The following GLUL variants were observed in gnomAD, a reference collection of about 807,000 sequenced individuals.
GLUL encodes the protein glutamine synthetase.
GLUL carries 8 observed loss-of-function variants against 36.9 expected under a neutral mutation model. The ratio of observed to expected loss-of-function variants is 0.22; its 90% confidence interval spans 0.13 to 0.39. GLUL has a LOEUF of 0.39. Ranked by LOEUF, GLUL falls within the 10% of genes least tolerant of loss-of-function variation. GLUL has a pLI of 1.00. For synonymous variants in GLUL, 182 were observed against 172.8 expected, an observed-to-expected ratio of 1.05 and a Z score of -0.42; for missense variants, 315 against 501.8, an observed-to-expected ratio of 0.63 and a Z score of 3.56.
intron 3 of GLUL, chr1:182,386,916 A>G (rs188126943): frequency 5.2e-4 from 319 of 613,222 alleles, no homozygotes; most frequent in Non-Finnish European, 7.8e-4. Flanking sequence ...GACAAATCCA[A>G]TGCTATTTTA....
At position 182,379,500 on chromosome 1, in the gene GLUL, G is replaced by A. The variant is rs1649849727; in HGVS notation, c.*4905C>T. 6.6e-6 allele frequency among the ~76,000 whole-genome samples: 1 copy of A among 152,184 alleles called. No individual in the cohort carries two copies. Among genetic ancestry groups the A allele is most frequent in the East Asian group, 1.9e-4 (1 of 5,162 alleles). ...GGCCTCCCAAAGTGCTAGGATTACA[G>A]GCTTGAGCCACCACACCCAGCCTAA... On this transcript the variant is annotated 3_prime_UTR_variant, in exon 7 of 7. Coordinates refer to ENST00000331872, the MANE Select transcript of GLUL (RefSeq NM_001033044.4).
intron 6 of GLUL, 103 bp downstream of exon 6, chr1:182,385,254 T>TG (rs1650122341): frequency 1.1e-6 from 1 of 896,766 alleles, no homozygotes; most frequent in East Asian, 2.5e-5. Flanking sequence ...GGCAAATATT[T>TG]GCAAGTCATC....
chr1:182,378,838 T>G lies in GLUL; in HGVS notation c.*5567A>C, dbSNP rs574868075. 6.6e-6 allele frequency among the ~76,000 whole-genome samples: 1 copy of G among 151,636 alleles called. No individual in the cohort carries two copies. The highest frequency in any genetic ancestry group is 2.0e-4 in the East Asian group (1 of 5,106). ...TGTTGCCTAGGCTGGAGTGCAATGG[T>G]GCAAGCTTGGCTCACTGCAACCTCC... On this transcript the variant is annotated 3_prime_UTR_variant, in exon 7 of 7. Transcript: ENST00000331872.
intron 2 of GLUL, 135 bp from the exon 3 acceptor site, chr1:182,387,427 A>T (rs1650231494): frequency 1.5e-5 from 11 of 742,198 alleles, no homozygotes; most frequent in Non-Finnish European, 2.2e-5. Flanking sequence ...TATAAATGCC[A>T]TCATTAATAT....
intron 6 of GLUL, chr1:182,385,132 A>T (rs1418962260): frequency 6.1e-6 from 3 of 489,276 alleles, no homozygotes; most frequent in African/African-American, 1.9e-5. Context: ...TATCACTGTG[A>T]ATCAGAAGTA....
At chr1:182,386,725 C>T in intron 3 of GLUL, 1 of 471,630 alleles carries the variant, frequency 2.1e-6, no homozygotes, top group Non-Finnish European at 3.9e-6. Flanking sequence ...ATGCCAGGCA[C>T]TTAACCCTCT....
rs755278085 is a variant in GLUL, at chr1:182,386,219, C to T, written c.475+37G>A. 3.4e-5 allele frequency: 54 copies of T among 1,597,878 alleles called. No individual in the cohort carries two copies. The East Asian group carries it at 1.2e-3, about 34-fold the overall frequency. On this transcript the variant is annotated intron_variant, in intron 4 of 6. Transcript: ENST00000331872. ...AGGGGCATTCCTGCACAGTTAGACA[C>T]TTCTGGGAATTTCACCTCTAACCCA...
In GLUL at chr1:182,382,253, C is replaced by T. The variant is rs1649959271; in HGVS notation, c.*2152G>A. 1 of 152,230 alleles carries T rather than the reference C, an allele frequency of 6.6e-6. No individual in the cohort carries two copies. The highest frequency in any genetic ancestry group is 1.5e-5 in the Non-Finnish European group (1 of 68,070). 9.4% of individuals were successfully genotyped at this position (152,230 alleles called of 1,614,324 possible). ...GAGCCGGAGGGAGCTTTTACCCAAC[C>T]TCATGAGGAATGAACGAAGGTAGGA... On this transcript the variant is annotated 3_prime_UTR_variant, in exon 7 of 7. Transcript: ENST00000331872.
At chr1:182,386,519 T>TC (rs1408633700) in intron 3 of GLUL, 117 bp from the exon 4 acceptor site, 1 of 848,732 alleles carries the variant, frequency 1.2e-6, no homozygotes, top group Non-Finnish European at 2.1e-6. Flanking sequence ...CACTATGGTA[T>TC]GAACTGACCC....
rs1182639956 is a variant in GLUL, at chr1:182,381,803, G to A, written c.*2602C>T. On this transcript the variant is annotated 3_prime_UTR_variant, in exon 7 of 7. Coordinates refer to ENST00000331872, the MANE Select transcript of GLUL (RefSeq NM_001033044.4). ...CAAAGGGAAGACAACTTCAGTTGGG[G>A]GGGTGGAAGCACAGATTCAATGGAA... 1 of 152,314 alleles carries A rather than the reference G, an allele frequency of 6.6e-6. No individual in the cohort carries two copies. The highest frequency in any genetic ancestry group is 1.9e-4 in the East Asian group (1 of 5,182). The allele number at this position is 152,314 out of a possible 1,614,324, so 9.4% of individuals were successfully genotyped here. A position where few individuals can be genotyped will look rare whatever the true frequency, so the allele number is the denominator to read the frequency against.
At position 182,380,209 on chromosome 1, in the gene GLUL, G is replaced by A. The variant is rs759750871; in HGVS notation, c.*4196C>T. On this transcript the variant is annotated 3_prime_UTR_variant, in exon 7 of 7. Transcript: ENST00000331872. The stretch of plus-strand genomic sequence containing the variant: ...CCTGATTACAATGAGAATTAATTAA[G>A]TACACTATTTTCCACAGTACACTCC... Among the ~76,000 whole-genome samples the A allele has an allele frequency of 6.4e-4, 97 of 152,170 alleles. No individual in the cohort carries two copies. Among genetic ancestry groups the A allele is most frequent in the Non-Finnish European group, 1.3e-3 (91 of 68,034 alleles).
chr1:182,381,539 G>A lies in GLUL; in HGVS notation c.*2866C>T, dbSNP rs1229363452. Among the ~76,000 whole-genome samples the A allele has an allele frequency of 6.6e-6, 1 of 152,070 alleles. No individual in the cohort carries two copies. Among genetic ancestry groups the A allele is most frequent in the Non-Finnish European group, 1.5e-5 (1 of 68,030 alleles). Reference sequence around the variant, plus strand: ...ATAAAAAACACCTTAGAAATACAAGGGGATTGCACTGTGACCTGTAGGTCA... The same window carrying A: ...ATAAAAAACACCTTAGAAATACAAGAGGATTGCACTGTGACCTGTAGGTCA... On this transcript the variant is annotated 3_prime_UTR_variant, in exon 7 of 7. Transcript: ENST00000331872.
intron 6 of GLUL, 169 bp downstream of exon 6, chr1:182,385,188 G>C (rs1034799469): frequency 3.1e-6 from 2 of 637,662 alleles, no homozygotes; most frequent in African/African-American, 3.6e-5. Flanking sequence ...GAATGTGAAG[G>C]CAAGTGTCAA....
At chr1:182,386,821 T>G (rs1174649962) in intron 3 of GLUL, 1 of 482,954 alleles carries the variant, frequency 2.1e-6, no homozygotes, top group African/African-American at 2.0e-5. Flanking sequence ...TGAGAAACAT[T>G]TGTCCATTGG....
In GLUL at chr1:182,381,774, C is replaced by T. The variant is rs2296522; in HGVS notation, c.*2631G>A. 0.16 allele frequency: 24,011 copies of T among 152,046 alleles called. 2,412 individuals carry two copies. The highest frequency in any genetic ancestry group is 0.37 in the East Asian group (1,923 of 5,156). The allele number at this position is 152,046 out of a possible 1,614,324, so 9.4% of individuals were successfully genotyped here. ...CCATCCAAGAGGCTGTAAGGGTGGCCAAGCAAAGGGAAGACAACTTCAGTT... is the reference window on the plus strand; with the variant it reads ...CCATCCAAGAGGCTGTAAGGGTGGCTAAGCAAAGGGAAGACAACTTCAGTT... On this transcript the variant is annotated 3_prime_UTR_variant, in exon 7 of 7. Coordinates refer to ENST00000331872, the MANE Select transcript of GLUL (RefSeq NM_001033044.4).
In GLUL at chr1:182,379,170, T is replaced by C. The variant is rs1166329442; in HGVS notation, c.*5235A>G. On this transcript the variant is annotated 3_prime_UTR_variant, in exon 7 of 7. Transcript: ENST00000331872. ...TCTAATCAGCTCAGATTGTTTTCAGTAGAAATGTACGCAAAGTCTTTGGAG... is the reference window on the plus strand; with the variant it reads ...TCTAATCAGCTCAGATTGTTTTCAGCAGAAATGTACGCAAAGTCTTTGGAG... Among the ~76,000 whole-genome samples, 3 of 152,180 alleles carry C rather than the reference T, an allele frequency of 2.0e-5. No individual in the cohort carries two copies. Among genetic ancestry groups the C allele is most frequent in the African/African-American group, 7.2e-5 (3 of 41,452 alleles).
chr1:182,387,825 A>G (rs1371861133), intron 2 of GLUL, among the ~76,000 whole-genome samples: 1 of 152,190 alleles, frequency 6.6e-6, no homozygotes, highest in East Asian at 1.9e-4. Flanking sequence ...AGTTCTCTGA[A>G]GGCAGAGACG....
In GLUL at chr1:182,385,366, T is replaced by C. The variant is rs766517616; in HGVS notation, c.794A>G (p.Asn265Ser). The change falls in exon 6 of 7, where the codon AAT (asparagine) becomes AGT (serine). Residue 265 changes from asparagine to serine, a missense_variant. Transcript: ENST00000331872. ...NFSTKAMREE[N>S]GLKYIEEAIE... ...AGCAGAAGGTACTCACTTCAGACCA[T>C]TCTCCTCCCGCATGGCCTTGGTGCT... 2 of 1,612,544 alleles carry C rather than the reference T, an allele frequency of 1.2e-6. No individual in the cohort carries two copies. Among genetic ancestry groups the C allele is most frequent in the South Asian group, 1.1e-5 (1 of 91,040 alleles).
In GLUL at chr1:182,383,269, G is replaced by A. The variant is rs1354731568; in HGVS notation, c.*1136C>T. 6.6e-6 allele frequency: 1 copy of A among 152,086 alleles called. No homozygotes were observed. Among genetic ancestry groups the A allele is most frequent in the African/African-American group, 2.4e-5 (1 of 41,406 alleles). The allele number at this position is 152,086 out of a possible 1,614,324, so 9.4% of individuals were successfully genotyped here. A position where few individuals can be genotyped will look rare whatever the true frequency, so the allele number is the denominator to read the frequency against. On this transcript the variant is annotated 3_prime_UTR_variant, in exon 7 of 7. Transcript: ENST00000331872. ...AATTACCTAGAAACCCTACAAATTT[G>A]ATTAAAATCTAAACTTCTATAATTT...
Sources: gnomAD v4.1 joint callset for allele counts (sites outside exome capture counted in the v4.1 genomes callset) on GRCh38, gnomAD v4.1.1 for gene constraint, MANE v1.5 for transcripts, NCBI Gene and HGNC (gene_info 2026-07-23, HGNC 2026-07-21) for gene names.